FANCG: variants seen among roughly 807,000 people sequenced by gnomAD.
The protein encoded by FANCG is Fanconi anemia group G protein.
FANCG carries 67 observed loss-of-function variants against 73.3 expected under a neutral mutation model. The ratio of observed to expected loss-of-function variants is 0.91; its 90% CI spans 0.75 to 1.12. FANCG has a LOEUF of 1.12. Ranked by LOEUF, FANCG falls within the 50% of genes most tolerant of loss-of-function variation. The pLI, the probability that FANCG is intolerant of heterozygous loss-of-function variation, is 0.00. For synonymous variants in FANCG, 297 were observed against 311.6 expected (o/e 0.95, Z 0.49); for missense variants, 643 against 735.6 (o/e 0.87, Z 1.46).
chr9:35,078,774 A>G (rs983962117), intron 2 of FANCG, 38 bp from the exon 3 acceptor site: 6 of 1,613,462 alleles, frequency 3.7e-6, no homozygotes, highest in African/African-American at 1.3e-5. Context: ...CTGCTCCCCC[A>G]TGGAAGATCC....
Position 35,075,757 on chromosome 9 carries a change from G to T in FANCG, c.1144-3C>A, listed in dbSNP as rs781723481. On this transcript the variant is annotated splice_polypyrimidine_tract_variant and splice_region_variant and intron_variant, in intron 9 of 13. Transcript: ENST00000378643. ...GGAGGGGAGGGGGGTGGGGAGAACT[G>T]GAGTGGGAAGAAGAAGCAGTGTCTT... is the stretch of plus-strand genomic sequence containing the variant. The T allele has an allele frequency of 2.0e-6, 3 of 1,522,624 alleles. No homozygotes were observed. The highest frequency in any genetic ancestry group is 1.8e-6 in the Non-Finnish European group (2 of 1,099,250). 94.3% of individuals were successfully genotyped at this position (1,522,624 alleles called of 1,614,324 possible).
chr9:35,075,931 C>G (rs889089609), intron 9 of FANCG, 31 bp downstream of exon 9: 1 of 1,612,398 alleles, frequency 6.2e-7, no homozygotes. Flanking sequence ...CCCGTCTACC[C>G]CATTGCAGAG....
chr9:35,078,407 C>G, intron 3 of FANCG, 64 bp from the exon 4 acceptor site: 1 of 1,560,294 alleles, frequency 6.4e-7, no homozygotes, highest in Non-Finnish European at 8.8e-7. Flanking sequence ...TCCTCCATCT[C>G]CCCACACACT....
At chr9:35,077,651 C>T (rs563699407) in intron 4 of FANCG, among the ~76,000 whole-genome samples, 6 of 152,150 alleles carry the variant, frequency 3.9e-5, no homozygotes, top group East Asian at 1.9e-4. Flanking sequence ...TCTATTCCAG[C>T]GTGCCTCCTC....
intron 4 of FANCG, 94 bp from the exon 5 acceptor site, chr9:35,077,493 T>TCAAGAGGAC: frequency 6.6e-7 from 1 of 1,509,014 alleles, no homozygotes; most frequent in Non-Finnish European, 9.2e-7. Context: ...AGCTCAAGGG[T>TCAAGAGGAC]CCTCTTGATC....
chr9:35,074,075 G>C lies in FANCG; in HGVS notation c.*33C>G. On this transcript the variant is annotated 3_prime_UTR_variant, in exon 14 of 14. Transcript: ENST00000378643. ...CTCCCCACAGAGAGACAGCCCACTG[G>C]GGACCCAGCTCAAGCTCTTCAAAAC... is the stretch of plus-strand genomic sequence containing the variant. The C allele has an allele frequency of 1.3e-6, 2 of 1,526,714 alleles. No homozygotes were observed. The highest frequency in any genetic ancestry group is 1.8e-6 in the Non-Finnish European group (2 of 1,100,524). The allele number at this position is 1,526,714 out of a possible 1,614,324, so 94.6% of individuals were successfully genotyped here.
intron 6 of FANCG, 32 bp downstream of exon 6, chr9:35,076,939 G>GT: frequency 6.2e-7 from 1 of 1,614,162 alleles, no homozygotes; most frequent in South Asian, 1.1e-5. Context: ...AATGCTTGTG[G>GT]TTTCCCCAAT....
At position 35,074,371 on chromosome 9, in the gene FANCG, C is replaced by T. The variant is rs1237585315; in HGVS notation, c.1760G>A (p.Trp587Ter). 1 of 1,614,190 alleles carries T rather than the reference C, an allele frequency of 6.2e-7. No homozygotes were observed. Among genetic ancestry groups the T allele is most frequent in the African/African-American group, 1.3e-5 (1 of 75,052 alleles). ...QTKGSHEDAL[W>*]SLPLYLESYL... ...CCAAGCCAGCAGGCCTGAGCCTCAC[C>T]ACAGAGCATCTTCATGTGACCCCTT... Residue 587 changes from tryptophan (W) to a stop codon, truncating the protein, a stop_gained and splice_region_variant, in exon 13 of 14, where the codon TGG becomes TAG. Transcript: ENST00000378643. LOFTEE classifies it high-confidence loss of function.
chr9:35,073,980 C>A lies in FANCG; in HGVS notation c.*128G>T. On this transcript the variant is annotated 3_prime_UTR_variant, in exon 14 of 14. Transcript: ENST00000378643. The stretch of plus-strand genomic sequence containing the variant: ...AACTAGGGCAAATTTCACAGGCCTA[C>A]CACCAATCTCACCAGTCCAGGAATT... 1.3e-6 allele frequency: 1 copy of A among 784,912 alleles called. No homozygotes were observed. Among genetic ancestry groups the A allele is most frequent in the Non-Finnish European group, 2.2e-6 (1 of 450,180 alleles). 48.6% of individuals were successfully genotyped at this position (784,912 alleles called of 1,614,324 possible).
At chr9:35,078,086 AAAGGAGGAGGAAGG>A (rs1829118957) in intron 4 of FANCG, 41 bp downstream of exon 4, 1 of 1,530,840 alleles carries the variant, frequency 6.5e-7, no homozygotes, top group Non-Finnish European at 9.1e-7. Context: ...AGCTGGAGAG[AAAGGAGGAGGAAGG>A]AAGGAGGAGA....
intron 12 of FANCG, 25 bp downstream of exon 12, chr9:35,074,902 G>A: frequency 6.2e-7 from 1 of 1,613,538 alleles, no homozygotes; most frequent in East Asian, 2.2e-5. Flanking sequence ...TCTATGCATA[G>A]CCGACGTCAT....
At chr9:35,077,886 C>T in intron 4 of FANCG, 1 of 533,394 alleles carries the variant, frequency 1.9e-6, no homozygotes, top group South Asian at 2.0e-5. Context: ...GATCCTCCTA[C>T]CTCAGCCTCC....
chr9:35,077,119 G>C lies in FANCG; in HGVS notation c.647-18C>G. The C allele has an allele frequency of 6.2e-7, 1 of 1,614,194 alleles. No individual in the cohort carries two copies. The highest frequency in any genetic ancestry group is 1.1e-5 in the South Asian group (1 of 91,086). ...CTGGAGACCTGAGGACAGTCAGGGT[G>C]TGAGCTTGGAGAGGGCTATAGAGCA... On this transcript the variant is annotated intron_variant, in intron 5 of 13. Coordinates refer to ENST00000378643, the MANE Select transcript of FANCG (RefSeq NM_004629.2).
At chr9:35,074,299 A>G in intron 13 of FANCG, 72 bp downstream of exon 13, 1 of 1,613,506 alleles carries the variant, frequency 6.2e-7, no homozygotes, top group East Asian at 2.2e-5. Flanking sequence ...AGTGTTCACC[A>G]CCCACAATAG....
chr9:35,076,057 C>T (rs1322545378), intron 8 of FANCG, 29 bp from the exon 9 acceptor site: 1 of 1,608,170 alleles, frequency 6.2e-7, no homozygotes. Flanking sequence ...TAAGCCTCAC[C>T]CTAGGCCCTA....
At position 35,077,342 on chromosome 9, in the gene FANCG, C is replaced by G; in HGVS notation, c.568G>C (p.Glu190Gln). Reference sequence around the variant, plus strand: ...TGCAGGGTCAATGGAGCATCTAATTCCTCAGCTGGGGGACTCCAAGTTTTC... The same window carrying G: ...TGCAGGGTCAATGGAGCATCTAATTGCTCAGCTGGGGGACTCCAAGTTTTC... ...LLKTWSPPAE[E>Q]LDAPLTLQDA... is the part of the protein sequence containing the mutation. The change falls in exon 5 of 14, where the codon GAA (glutamate) becomes CAA (glutamine). Residue 190 changes from glutamate (E) to glutamine (Q), a missense_variant. Glu to Gln is a conservative substitution (Grantham distance 29). Transcript: ENST00000378643. The G allele has an allele frequency of 6.2e-7, 1 of 1,614,142 alleles. No homozygotes were observed. The highest frequency in any genetic ancestry group is 8.5e-7 in the Non-Finnish European group (1 of 1,179,994).
In FANCG at chr9:35,079,894, G is replaced by C. The variant is rs986190421; in HGVS notation, c.-370C>G. The C allele has an allele frequency of 2.4e-6, 1 of 417,208 alleles. No individual in the cohort carries two copies. The highest frequency in any genetic ancestry group is 4.2e-5 in the East Asian group (1 of 23,826). 25.8% of individuals were successfully genotyped at this position (417,208 alleles called of 1,614,324 possible). On this transcript the variant is annotated 5_prime_UTR_variant, in exon 1 of 14. Transcript: ENST00000378643. ...GTCTGACTGGGGCAGTCGCACGGCCGGCGGTGCGGCCCGCTCGGCTCTCGC... is the reference window on the plus strand; with the variant it reads ...GTCTGACTGGGGCAGTCGCACGGCCCGCGGTGCGGCCCGCTCGGCTCTCGC...
chr9:35,074,050 C>T lies in FANCG; in HGVS notation c.*58G>A. ...CCTAATGATGGTGAAGCAGAAAGCC[C>T]TCCCCACAGAGAGACAGCCCACTGG... On this transcript the variant is annotated 3_prime_UTR_variant, in exon 14 of 14. Transcript: ENST00000378643. The T allele has an allele frequency of 8.1e-7, 1 of 1,234,288 alleles. No individual in the cohort carries two copies. Among genetic ancestry groups the T allele is most frequent in the South Asian group, 1.2e-5 (1 of 83,450 alleles). 76.5% of individuals were successfully genotyped at this position (1,234,288 alleles called of 1,614,324 possible). A position where few individuals can be genotyped will look rare whatever the true frequency, so the allele number is the denominator to read the frequency against.
chr9:35,074,475 A>C lies in FANCG; in HGVS notation c.1656T>G (p.Phe552Leu). Residue 552 changes from phenylalanine to leucine, a missense_variant, in exon 13 of 14, where the codon TTT (phenylalanine) becomes TTG (leucine). By Grantham distance (22) the Phe-to-Leu change is conservative (BLOSUM62 0). Coordinates refer to ENST00000378643, the MANE Select transcript of FANCG (RefSeq NM_004629.2). ...GCCTCTTCAGAGTCTGAAGCAGGTG[A>C]AAGTAAGTGTCTCGATTACCTGTAG... ...QMCPGNRDTYFHLLQTLKRLD... is the reference protein window; with the variant it reads ...QMCPGNRDTYLHLLQTLKRLD... The C allele has an allele frequency of 6.2e-7, 1 of 1,614,162 alleles. No homozygotes were observed.
Sources: gnomAD v4.1 joint callset for allele counts (sites outside exome capture counted in the v4.1 genomes callset) on GRCh38, gnomAD v4.1.1 for gene constraint, MANE v1.5 for transcripts, NCBI Gene and HGNC (gene_info 2026-07-23, HGNC 2026-07-21) for gene names.